The following ROBO1 variants were observed in gnomAD, a reference collection of about 807,000 sequenced individuals.
ROBO1 encodes the protein roundabout guidance receptor 1.
A neutral mutation model predicts 195.9 loss-of-function variants in ROBO1; 149 were observed. The ratio of observed to expected loss-of-function variants is 0.76; its 90% CI spans 0.67 to 0.87. The LOEUF (loss-of-function observed/expected upper bound fraction) is 0.87. Ranked by LOEUF, ROBO1 falls within the 40% of genes least tolerant of loss-of-function variation. The pLI is 0.00. For synonymous variants in ROBO1, 816 were observed against 733.2 expected, an observed-to-expected ratio of 1.11 and a Z score of -1.82; for missense variants, 1,933 against 2,068.3, an observed-to-expected ratio of 0.93 and a Z score of 1.27.
intron 1 of ROBO1, among the ~76,000 whole-genome samples, chr3:79,658,331 T>C (rs371956345): frequency 1.3e-5 from 2 of 152,192 alleles, no homozygotes; most frequent in South Asian, 2.1e-4. Context: ...TTATTAGTAA[T>C]AGTGGGAATA....
intron 10 of ROBO1, among the ~76,000 whole-genome samples, chr3:78,675,431 GACGGC>G (rs2107750185): frequency 6.6e-6 from 1 of 152,286 alleles, no homozygotes; most frequent in East Asian, 1.9e-4. Context: ...AGGGGTGACA[GACGGC>G]ACCTGGAAAA....
At chr3:78,651,658 A>G in intron 19 of ROBO1, 74 bp downstream of exon 19, 1 of 1,231,794 alleles carries the variant, frequency 8.1e-7, no homozygotes, top group Non-Finnish European at 1.1e-6. Flanking sequence ...ATAATCATGA[A>G]TAATTTGGAA....
At chr3:78,739,776 G>A (rs544455324) in intron 5 of ROBO1, among the ~76,000 whole-genome samples, 9 of 152,068 alleles carry the variant, frequency 5.9e-5, no homozygotes, top group African/African-American at 1.2e-4. Flanking sequence ...GCCAAACCCC[G>A]GTTTCAAGAC....
intron 1 of ROBO1, among the ~76,000 whole-genome samples, chr3:79,747,003 A>G (rs1374735963): frequency 6.6e-6 from 1 of 152,084 alleles, no homozygotes; most frequent in Non-Finnish European, 1.5e-5. Flanking sequence ...TTTAATTTCT[A>G]AGCTATGTAT....
At chr3:79,693,033 A>T (rs1035793318) in intron 1 of ROBO1, among the ~76,000 whole-genome samples, 1 of 151,762 alleles carries the variant, frequency 6.6e-6, no homozygotes, top group African/African-American at 2.4e-5. Context: ...GTTGGTGCTC[A>T]AAAAGTTTCA....
chr3:79,412,318 G>C (rs1476800028), intron 2 of ROBO1, among the ~76,000 whole-genome samples: 1 of 152,114 alleles, frequency 6.6e-6, no homozygotes, highest in East Asian at 1.9e-4. Flanking sequence ...GCAGCTACTA[G>C]TTCCTAACCT....
chr3:79,283,694 T>A (rs2031675246), intron 2 of ROBO1, among the ~76,000 whole-genome samples: 1 of 148,964 alleles, frequency 6.7e-6, no homozygotes, highest in African/African-American at 2.6e-5. Context: ...CATTTATCCA[T>A]GAATTCTTTT....
At chr3:78,621,809 C>T (rs1446642971) in intron 26 of ROBO1, among the ~76,000 whole-genome samples, 2 of 152,084 alleles carry the variant, frequency 1.3e-5, no homozygotes, top group East Asian at 1.9e-4. Flanking sequence ...AAGAGAAAAG[C>T]GGAATGATGT....
At chr3:79,135,128 A>G (rs1442071658) in intron 2 of ROBO1, among the ~76,000 whole-genome samples, 1 of 152,142 alleles carries the variant, frequency 6.6e-6, no homozygotes, top group Non-Finnish European at 1.5e-5. Context: ...ATGTTGTATA[A>G]TGGGTCTCTT....
rs559830987 is a variant in ROBO1, at chr3:78,945,474, A to T, written c.173-6547T>A. ...GCTGAGGGTCCTGTCTGTTAGAAAG[A>T]AAACTAACATACAGAAAGGACATCC... On this transcript the variant is annotated intron_variant, in intron 3 of 30. Transcript: ENST00000464233. Among the ~76,000 whole-genome samples, 4 of 152,306 alleles carry T rather than the reference A, an allele frequency of 2.6e-5. No individual in the cohort carries two copies. In the South Asian group the frequency reaches 8.3e-4, roughly 32 times the overall value.
chr3:78,704,841 C>CA (rs1220505485), intron 8 of ROBO1, among the ~76,000 whole-genome samples: 2 of 151,794 alleles, frequency 1.3e-5, no homozygotes, highest in East Asian at 1.9e-4. Flanking sequence ...GACCCTGTCT[C>CA]AAAAAAACAG....
intron 4 of ROBO1, among the ~76,000 whole-genome samples, chr3:78,849,974 T>C (rs557614613): frequency 1.8e-4 from 27 of 152,240 alleles, no homozygotes; most frequent in African/African-American, 6.3e-4. Flanking sequence ...ACCTTTTCTG[T>C]GTTTAGATAT....
At chr3:79,330,263 G>GTA (rs1459423012) in intron 2 of ROBO1, among the ~76,000 whole-genome samples, 7 of 116,094 alleles carry the variant, frequency 6.0e-5, no homozygotes, top group Non-Finnish European at 1.0e-4. Context: ...AGTATAATAT[G>GTA]TATATATATG....
intron 2 of ROBO1, among the ~76,000 whole-genome samples, chr3:79,355,856 G>C (rs1398663443): frequency 1.3e-5 from 2 of 152,146 alleles, no homozygotes; most frequent in Non-Finnish European, 2.9e-5. Context: ...ATTGTGAAGA[G>C]TGCTACAGTA....
intron 2 of ROBO1, among the ~76,000 whole-genome samples, chr3:79,547,886 G>A (rs544137128): frequency 6.6e-6 from 1 of 152,198 alleles, no homozygotes; most frequent in South Asian, 2.1e-4. Context: ...TAATTAATAT[G>A]CTAAAAACTC....
chr3:79,648,468 G>A (rs1006113014), intron 1 of ROBO1, among the ~76,000 whole-genome samples: 2 of 152,040 alleles, frequency 1.3e-5, no homozygotes, highest in African/African-American at 4.8e-5. Flanking sequence ...CCATGAGCGT[G>A]AGTTTGTAGA....
intron 4 of ROBO1, among the ~76,000 whole-genome samples, chr3:78,749,441 A>C (rs1171553183): frequency 6.6e-6 from 1 of 152,188 alleles, no homozygotes. Context: ...TAATCCATTA[A>C]AAACTGTTGC....
chr3:79,024,015 C>A (rs1270340555), intron 3 of ROBO1, among the ~76,000 whole-genome samples: 1 of 151,874 alleles, frequency 6.6e-6, no homozygotes, highest in African/African-American at 2.4e-5. Context: ...TGGCCAGGGC[C>A]AATATTTTTA....
At chr3:78,650,361 AT>A (rs1189078318) in intron 19 of ROBO1, among the ~76,000 whole-genome samples, 1 of 152,130 alleles carries the variant, frequency 6.6e-6, no homozygotes, top group African/African-American at 2.4e-5. Flanking sequence ...ATATTTAAGG[AT>A]GATAATGCTA....
Sources: gnomAD v4.1 joint callset for allele counts (sites outside exome capture counted in the v4.1 genomes callset) on GRCh38, gnomAD v4.1.1 for gene constraint, MANE v1.5 for transcripts, NCBI Gene and HGNC (gene_info 2026-07-23, HGNC 2026-07-21) for gene names.